WWOX: variants seen among roughly 807,000 people sequenced by gnomAD.
WWOX encodes WW domain containing oxidoreductase.
In WWOX, 69 loss-of-function variants were observed where a neutral mutation model predicts 46.2. The observed-to-expected ratio is 1.49, with a 90% CI of 1.23 to 1.82. The LOEUF (loss-of-function observed/expected upper bound fraction) is 1.82, where lower values mean the gene tolerates loss of function less well. WWOX is among the 40% of genes most tolerant of loss of function. The probability of loss-of-function intolerance (pLI) is 0.00; values close to 1 mark genes in which losing one functional copy is unlikely to be tolerated. For synonymous variants in WWOX, 359 were observed against 202.6 expected, an observed-to-expected ratio of 1.77 and a Z score of -6.56; for missense variants, 919 against 542.6, an observed-to-expected ratio of 1.69 and a Z score of -6.89.
At position 78,947,879 on chromosome 16, in the gene WWOX, C is replaced by G. The variant is rs540995897; in HGVS notation, c.1057-263729C>G. 3.3e-5 allele frequency among the ~76,000 whole-genome samples: 5 copies of G among 152,282 alleles called. No homozygotes were observed. The East Asian group carries it at 9.7e-4, about 29-fold the overall frequency. On this transcript the variant is annotated intron_variant, in intron 8 of 8. Coordinates refer to ENST00000566780, the MANE Select transcript of WWOX (RefSeq NM_016373.4). ...GAGTGGCTTGTAAGCATCCTTCCAA[C>G]AGGTTCAGGTTGATTTACCTTGCTG...
intron 8 of WWOX, among the ~76,000 whole-genome samples, chr16:79,187,066 C>T (rs890631034): frequency 6.6e-6 from 1 of 152,152 alleles, no homozygotes; most frequent in African/African-American, 2.4e-5. Context: ...TAGAATGACT[C>T]TTTGGGTATT....
intron 5 of WWOX, among the ~76,000 whole-genome samples, chr16:78,204,723 C>A (rs1715873528): frequency 6.6e-6 from 1 of 152,122 alleles, no homozygotes. Context: ...CAGGAAGGCC[C>A]TGAGAAATAC....
At chr16:78,556,102 C>A (rs1214409112) in intron 8 of WWOX, among the ~76,000 whole-genome samples, 1 of 151,910 alleles carries the variant, frequency 6.6e-6, no homozygotes, top group South Asian at 2.1e-4. Context: ...CCATAGGTAC[C>A]TAGAGGGTCA....
intron 5 of WWOX, among the ~76,000 whole-genome samples, chr16:78,227,109 A>G (rs1038189661): frequency 3.9e-5 from 6 of 152,168 alleles, no homozygotes; most frequent in African/African-American, 1.4e-4. Flanking sequence ...TTGCAATCAC[A>G]GCCACGCGGG....
chr16:78,849,456 C>A (rs1237599915), intron 8 of WWOX, among the ~76,000 whole-genome samples: 2 of 151,652 alleles, frequency 1.3e-5, no homozygotes, highest in Non-Finnish European at 2.9e-5. Context: ...CGCCTGTAGT[C>A]CCAGCTACTG....
chr16:78,464,969 C>T (rs367591955), intron 8 of WWOX, among the ~76,000 whole-genome samples: 1 of 152,290 alleles, frequency 6.6e-6, no homozygotes, highest in East Asian at 1.9e-4. Flanking sequence ...AAAATTATGG[C>T]AGAAGGCAAA....
intron 8 of WWOX, among the ~76,000 whole-genome samples, chr16:78,811,571 A>G (rs958386981): frequency 5.3e-5 from 8 of 149,782 alleles, no homozygotes; most frequent in African/African-American, 7.4e-5. Flanking sequence ...GGGTTTCACC[A>G]TGTTGGCCAG....
At chr16:78,297,617 A>G (rs1567484203) in intron 5 of WWOX, among the ~76,000 whole-genome samples, 1 of 152,186 alleles carries the variant, frequency 6.6e-6, no homozygotes, top group Non-Finnish European at 1.5e-5. Context: ...AACTCTTAAA[A>G]TGTTCAGTTC....
At chr16:78,415,748 C>G (rs753304527) in intron 6 of WWOX, among the ~76,000 whole-genome samples, 19 of 152,206 alleles carry the variant, frequency 1.2e-4, no homozygotes, top group Admixed American at 5.9e-4. Flanking sequence ...CCTCACTCCA[C>G]TCTTGCCAGA....
intron 4 of WWOX, among the ~76,000 whole-genome samples, chr16:78,151,822 C>T (rs554163481): frequency 6.6e-6 from 1 of 152,190 alleles, no homozygotes; most frequent in South Asian, 2.1e-4. Flanking sequence ...CTGCAGTAAT[C>T]AATGTTGGCA....
chr16:78,582,929 G>A (rs2045099153), intron 8 of WWOX, among the ~76,000 whole-genome samples: 1 of 152,176 alleles, frequency 6.6e-6, no homozygotes, highest in South Asian at 2.1e-4. Context: ...ATGATGAAAA[G>A]AAGTGCCTTG....
chr16:78,430,155 G>A (rs923555659), intron 7 of WWOX, among the ~76,000 whole-genome samples: 19 of 152,150 alleles, frequency 1.2e-4, no homozygotes, highest in African/African-American at 4.1e-4. Context: ...ATGACATCAG[G>A]CAACAGAGTA....
At chr16:78,977,902 C>G (rs1215165402) in intron 8 of WWOX, among the ~76,000 whole-genome samples, 1 of 152,196 alleles carries the variant, frequency 6.6e-6, no homozygotes, top group Non-Finnish European at 1.5e-5. Flanking sequence ...AGGTGAAATT[C>G]ACATAATATA....
intron 8 of WWOX, among the ~76,000 whole-genome samples, chr16:79,186,454 C>G (rs188324430): frequency 6.6e-6 from 1 of 152,298 alleles, no homozygotes; most frequent in East Asian, 1.9e-4. Context: ...CTCCCACGGC[C>G]TTCTCCCTGT....
At chr16:78,325,080 A>C (rs1208901421) in intron 5 of WWOX, among the ~76,000 whole-genome samples, 1 of 152,152 alleles carries the variant, frequency 6.6e-6, no homozygotes, top group East Asian at 1.9e-4. Context: ...TGAGAGCCTC[A>C]AGTCTCTGTA....
intron 8 of WWOX, among the ~76,000 whole-genome samples, chr16:78,762,511 C>T (rs946410330): frequency 9.9e-5 from 15 of 152,192 alleles, no homozygotes; most frequent in East Asian, 5.8e-4. Context: ...AAAGACAATA[C>T]GACCCAGCCC....
At chr16:78,764,224 G>A (rs1301552824) in intron 8 of WWOX, among the ~76,000 whole-genome samples, 4 of 151,966 alleles carry the variant, frequency 2.6e-5, no homozygotes, top group Non-Finnish European at 5.9e-5. Flanking sequence ...TTTGAAGTGC[G>A]GCCGGGTGTT....
intron 8 of WWOX, among the ~76,000 whole-genome samples, chr16:78,619,381 G>T (rs1597357262): frequency 7.8e-6 from 1 of 127,554 alleles, no homozygotes; most frequent in Non-Finnish European, 1.6e-5. Context: ...AAAAAAAAGT[G>T]TAATGCAAGT....
intron 8 of WWOX, among the ~76,000 whole-genome samples, chr16:78,907,529 C>G (rs758645257): frequency 9.2e-5 from 14 of 152,120 alleles, no homozygotes; most frequent in Non-Finnish European, 1.5e-4. Flanking sequence ...AAATTAAGTA[C>G]TAAATATCCC....
Sources: gnomAD v4.1 joint callset for allele counts (sites outside exome capture counted in the v4.1 genomes callset) on GRCh38, gnomAD v4.1.1 for gene constraint, MANE v1.5 for transcripts, NCBI Gene and HGNC (gene_info 2026-07-23, HGNC 2026-07-21) for gene names.